The following CHMP5 variants were observed in gnomAD, a reference collection of about 807,000 sequenced individuals.
The protein encoded by CHMP5 is charged multivesicular body protein 5.
In CHMP5, 17 loss-of-function variants were observed where a neutral mutation model predicts 33.0. The observed-to-expected ratio is 0.52, with a 90% CI of 0.35 to 0.77. The LOEUF (loss-of-function observed/expected upper bound fraction) is 0.77, where lower values mean the gene tolerates loss of function less well. CHMP5 is among the 30% of genes least tolerant of loss of function. CHMP5 has a pLI of 0.01. For missense variants in CHMP5, 216 were observed against 261.5 expected, an observed-to-expected ratio of 0.83 and a Z score of 1.20; for synonymous variants, 76 against 90.2, an observed-to-expected ratio of 0.84 and a Z score of 0.89.
At chr9:33,271,334 C>A in intron 5 of CHMP5, 111 bp downstream of exon 5, 1 of 846,280 alleles carries the variant, frequency 1.2e-6, no homozygotes, top group East Asian at 2.5e-5. Flanking sequence ...TTGGGGCTGC[C>A]ATTTACTAGT....
chr9:33,266,466 C>G (rs527846970), intron 2 of CHMP5, among the ~76,000 whole-genome samples: 1 of 151,648 alleles, frequency 6.6e-6, no homozygotes, highest in Non-Finnish European at 1.5e-5. Context: ...TGTGAGACTC[C>G]GTCTCAAAAA....
At chr9:33,279,258 TAGC>T (rs1564088467) in intron 7 of CHMP5, among the ~76,000 whole-genome samples, 1 of 152,030 alleles carries the variant, frequency 6.6e-6, no homozygotes, top group Non-Finnish European at 1.5e-5. Flanking sequence ...TTGAGCAAAA[TAGC>T]AGAAATTTAT....
chr9:33,270,246 G>A (rs1046008180), intron 3 of CHMP5, among the ~76,000 whole-genome samples: 15 of 152,176 alleles, frequency 9.9e-5, no homozygotes, highest in South Asian at 8.3e-4. Flanking sequence ...CAGGTTTGTA[G>A]CCTAGGAGCA....
chr9:33,267,566 G>T (rs1820741869), intron 2 of CHMP5, among the ~76,000 whole-genome samples: 1 of 152,202 alleles, frequency 6.6e-6, no homozygotes, highest in Admixed American at 6.5e-5. Context: ...TGGATATACA[G>T]ACTCAGCACT....
In CHMP5 at chr9:33,279,441, C is replaced by A. The variant is rs530534392; in HGVS notation, c.609+1216C>A. 5.3e-5 allele frequency among the ~76,000 whole-genome samples: 8 copies of A among 152,230 alleles called. No individual in the cohort carries two copies. In the East Asian group the frequency reaches 1.5e-3, roughly 29 times the overall value. On this transcript the variant is annotated intron_variant, in intron 7 of 7. Coordinates refer to ENST00000223500, the MANE Select transcript of CHMP5 (RefSeq NM_016410.6). ...CCTGGGATAGTCTTGCCTTTCTGAA[C>A]TGCCCACTCCTCCCCGACCTCTCTG...
intron 2 of CHMP5, 147 bp downstream of exon 2, chr9:33,266,261 A>G: frequency 2.0e-6 from 1 of 495,688 alleles, no homozygotes; most frequent in Non-Finnish European, 3.7e-6. Flanking sequence ...TCACGAGGTC[A>G]GGCATTTGAG....
In CHMP5 at chr9:33,270,672, C is replaced by A. The variant is rs749842360; in HGVS notation, c.271C>A (p.Gln91Lys). 6 of 1,614,176 alleles carry A rather than the reference C, an allele frequency of 3.7e-6. No homozygotes were observed. ...TGCCCAACAGTCATTCAACATGGAACAAGCCAATTATACCATCCAGTCTTT... is the reference window on the plus strand; with the variant it reads ...TGCCCAACAGTCATTCAACATGGAAAAAGCCAATTATACCATCCAGTCTTT... ...NLAQQSFNME[Q>K]ANYTIQSLKD... The change falls in exon 4 of 8, where the codon CAA becomes AAA. Residue 91 changes from glutamine (Q) to lysine (K), a missense_variant. Coordinates refer to ENST00000223500, the MANE Select transcript of CHMP5 (RefSeq NM_016410.6).
chr9:33,267,286 G>A (rs1820738732), intron 2 of CHMP5, among the ~76,000 whole-genome samples: 1 of 152,194 alleles, frequency 6.6e-6, no homozygotes, highest in Non-Finnish European at 1.5e-5. Context: ...AGCCCATTTA[G>A]ATTTGAGACA....
intron 5 of CHMP5, 30 bp from the exon 6 acceptor site, chr9:33,276,426 G>C: frequency 7.9e-7 from 1 of 1,271,784 alleles, no homozygotes; most frequent in Non-Finnish European, 1.1e-6. Context: ...TGGTAAATGA[G>C]AGAAAATCCT....
chr9:33,265,181 A>T (rs2117999606), intron 1 of CHMP5, 34 bp downstream of exon 1: 1 of 1,603,512 alleles, frequency 6.2e-7, no homozygotes, highest in South Asian at 1.1e-5. Flanking sequence ...TAGGCTCAGG[A>T]CCTCTGACAC....
rs921626231 is a variant in CHMP5, at chr9:33,266,050, G to A, written c.110G>A (p.Arg37Gln). The change falls in exon 2 of 8, where the codon CGA becomes CAA. Residue 37 changes from arginine (R) to glutamine (Q), a missense_variant. By Grantham distance (43) the Arg-to-Gln change is conservative (BLOSUM62 1). Transcript: ENST00000223500. ...GAATCCATTGACAAGAAGATTTCTCGATTGGATGCTGAGCTAGTGAAGTAT... is the reference window on the plus strand; with the variant it reads ...GAATCCATTGACAAGAAGATTTCTCAATTGGATGCTGAGCTAGTGAAGTAT... Reference protein sequence around the residue: ...RAESIDKKISRLDAELVKYKD... With the variant: ...RAESIDKKISQLDAELVKYKD... 5.6e-6 allele frequency: 9 copies of A among 1,613,394 alleles called. No homozygotes were observed. The highest frequency in any genetic ancestry group is 6.8e-6 in the Non-Finnish European group (8 of 1,179,492).
intron 7 of CHMP5, 72 bp downstream of exon 7, chr9:33,278,297 T>C: frequency 1.1e-6 from 1 of 914,336 alleles, no homozygotes; most frequent in South Asian, 1.4e-5. Context: ...AGTCTGGGAA[T>C]CTAAAAGGTA....
At chr9:33,272,064 T>C (rs759495963) in intron 5 of CHMP5, among the ~76,000 whole-genome samples, 1 of 152,172 alleles carries the variant, frequency 6.6e-6, no homozygotes, top group South Asian at 2.1e-4. Context: ...TCCTTAAAGT[T>C]AGCATTTCTT....
At chr9:33,272,799 CA>C (rs1010817894) in intron 5 of CHMP5, among the ~76,000 whole-genome samples, 1 of 149,112 alleles carries the variant, frequency 6.7e-6, no homozygotes, top group Non-Finnish European at 1.5e-5. Flanking sequence ...GACTCCGTCT[CA>C]AAAAAAAATA....
chr9:33,280,765 CAAATAGAA>C (rs1410378650), intron 7 of CHMP5, 36 bp from the exon 8 acceptor site: 1 of 1,463,806 alleles, frequency 6.8e-7, no homozygotes, highest in East Asian at 2.3e-5. Flanking sequence ...TTTTTTTTAT[CAAATAGAA>C]AAATAGTGGC....
intron 5 of CHMP5, among the ~76,000 whole-genome samples, chr9:33,273,006 T>A (rs1329457009): frequency 6.6e-6 from 1 of 152,174 alleles, no homozygotes; most frequent in Admixed American, 6.5e-5. Flanking sequence ...AGAGTCTCGT[T>A]CTGTCACCAA....
intron 1 of CHMP5, among the ~76,000 whole-genome samples, chr9:33,265,745 C>A (rs11791605): frequency 0.057 from 8,706 of 152,286 alleles, 278 homozygotes; most frequent in East Asian, 0.095. Context: ...TCCAACTCAA[C>A]TCAGTGATTC....
chr9:33,276,411 G>C, intron 5 of CHMP5, 45 bp from the exon 6 acceptor site: 2 of 1,129,030 alleles, frequency 1.8e-6, no homozygotes, highest in Non-Finnish European at 2.7e-6. Flanking sequence ...GTAGTTAAAA[G>C]AAAATGGTAA....
chr9:33,276,668 C>T (rs1820858694), intron 6 of CHMP5, 104 bp downstream of exon 6: 1 of 678,622 alleles, frequency 1.5e-6, no homozygotes, highest in Admixed American at 2.6e-5. Flanking sequence ...TCAGGATTTC[C>T]TGAAGGTTAG....
Sources: gnomAD v4.1 joint callset for allele counts (sites outside exome capture counted in the v4.1 genomes callset) on GRCh38, gnomAD v4.1.1 for gene constraint, MANE v1.5 for transcripts, NCBI Gene and HGNC (gene_info 2026-07-23, HGNC 2026-07-21) for gene names.